AVEN: variants seen among roughly 807,000 people sequenced by gnomAD.
AVEN encodes apoptosis and caspase activation inhibitor.
A neutral mutation model predicts 38.1 loss-of-function variants in AVEN; 41 were observed. The observed-to-expected ratio is 1.08, with a 90% confidence interval of 0.84 to 1.40. The LOEUF is 1.40. Among genes scored for constraint, AVEN ranks in the 40% most tolerant of loss-of-function variants. AVEN has a pLI of 0.00. For synonymous variants in AVEN, 206 were observed against 171.8 expected (o/e 1.20, Z -1.56); for missense variants, 605 against 438.8 (o/e 1.38, Z -3.38).
intron 2 of AVEN, among the ~76,000 whole-genome samples, chr15:33,985,316 T>C (rs1338295496): frequency 3.3e-5 from 3 of 91,126 alleles, no homozygotes; most frequent in African/African-American, 1.4e-4. Flanking sequence ...AGAGTGGTAA[T>C]TCAAAGAGTC....
intron 5 of AVEN, among the ~76,000 whole-genome samples, chr15:34,057,142 G>GATT (rs1900186256): frequency 6.7e-6 from 1 of 148,772 alleles, no homozygotes; most frequent in Non-Finnish European, 1.5e-5. Context: ...GTTTTTTTTG[G>GATT]TTTTTTTTTT....
chr15:33,859,493 C>A, intron 11 of AVEN: 2 of 1,516,700 alleles, frequency 1.3e-6, no homozygotes, highest in South Asian at 1.2e-5. Flanking sequence ...ACAATCTGAC[C>A]GAATCATATG....
chr15:34,032,067 AT>A (rs1407246364), intron 1 of AVEN, among the ~76,000 whole-genome samples: 1 of 152,134 alleles, frequency 6.6e-6, no homozygotes, highest in Non-Finnish European at 1.5e-5. Context: ...GAAAAAAAAA[AT>A]CAAAGAGAAC....
chr15:33,854,701 A>G, downstream of AVEN: 1 of 1,534,460 alleles, frequency 6.5e-7, no homozygotes, highest in African/African-American at 1.4e-5. Context: ...AATAAGAAAA[A>G]ATGTTTTATA....
chr15:33,950,774 G>A (rs1411344774), intron 2 of AVEN, among the ~76,000 whole-genome samples: 1 of 152,214 alleles, frequency 6.6e-6, no homozygotes, highest in Non-Finnish European at 1.5e-5. Flanking sequence ...GGGAGGCCAA[G>A]GCAGGAGAAC....
At chr15:34,053,299 C>CAAAAAAA (rs71454513) in intron 5 of AVEN, among the ~76,000 whole-genome samples, 7 of 51,544 alleles carry the variant, frequency 1.4e-4, no homozygotes, top group African/African-American at 2.7e-4. Flanking sequence ...GACTCCATCT[C>CAAAAAAA]AAAAAAAAAA....
At chr15:33,877,620 G>C (rs1423658142) in intron 2 of AVEN, among the ~76,000 whole-genome samples, 1 of 152,212 alleles carries the variant, frequency 6.6e-6, no homozygotes, top group Non-Finnish European at 1.5e-5. Flanking sequence ...TTCAAGACCA[G>C]CCTGACCAAC....
intron 2 of AVEN, among the ~76,000 whole-genome samples, chr15:33,985,542 A>C (rs1896398805): frequency 6.6e-6 from 1 of 151,958 alleles, no homozygotes; most frequent in Admixed American, 6.5e-5. Context: ...AAATTCAGAC[A>C]AAGAGCAGTC....
chr15:33,903,729 A>T (rs191437780), intron 2 of AVEN, among the ~76,000 whole-genome samples: 109 of 151,188 alleles, frequency 7.2e-4, no homozygotes, highest in Non-Finnish European at 1.3e-3. Flanking sequence ...ATAAAAGAAC[A>T]TACTTGTTTA....
intron 2 of AVEN, among the ~76,000 whole-genome samples, chr15:33,973,236 G>A (rs1895716060): frequency 6.6e-6 from 1 of 152,106 alleles, no homozygotes; most frequent in Non-Finnish European, 1.5e-5. Context: ...TGAATAATGT[G>A]TTCTTTAAGA....
intron 11 of AVEN, chr15:33,861,177 T>A: frequency 1.3e-6 from 2 of 1,580,268 alleles, no homozygotes; most frequent in Non-Finnish European, 1.7e-6. Context: ...AGCCAACTAC[T>A]TGTGAGTATT....
chr15:34,061,009 C>A (rs1474454990), intron 5 of AVEN, among the ~76,000 whole-genome samples: 3 of 150,676 alleles, frequency 2.0e-5, no homozygotes, highest in Non-Finnish European at 4.4e-5. Flanking sequence ...GAGCGAGACT[C>A]CGTCTCAAAA....
chr15:33,938,520 A>G (rs1472918619), intron 2 of AVEN, among the ~76,000 whole-genome samples: 1 of 152,180 alleles, frequency 6.6e-6, no homozygotes, highest in Non-Finnish European at 1.5e-5. Context: ...GACACCACAG[A>G]CAAAGTAAAA....
chr15:34,048,476 C>T (rs1410723208), intron 5 of AVEN, among the ~76,000 whole-genome samples: 1 of 152,038 alleles, frequency 6.6e-6, no homozygotes, highest in African/African-American at 2.4e-5. Flanking sequence ...ATCCATTCCT[C>T]CTCACTGGGC....
At chr15:34,019,291 T>C (rs537389587) in intron 1 of AVEN, among the ~76,000 whole-genome samples, 12 of 152,210 alleles carry the variant, frequency 7.9e-5, no homozygotes, top group Non-Finnish European at 1.8e-4. Context: ...ATTTTTAAAA[T>C]AGAAAACAAA....
chr15:34,073,986 C>CTTTTTTTTTTTTTTTTT lies in AVEN; in HGVS notation n.720+449_720+450insAAAAAAAAAAAAAAAAA, dbSNP rs1381411256. On this transcript the variant is annotated intron_variant and non_coding_transcript_variant, in intron 1 of 11. Coordinates refer to the AVEN transcript ENST00000675287. ...TGGAGGAACTTTCTTTTTTCTTCTT[C>CTTTTTTTTTTTTTTTTT]TTCTTTTTTTTTTTTTTTTTTTTTT... Among the ~76,000 whole-genome samples the CTTTTTTTTTTTTTTTTT allele has an allele frequency of 1.9e-4, 21 of 112,190 alleles. 9 individuals are homozygous for CTTTTTTTTTTTTTTTTT. Among genetic ancestry groups the CTTTTTTTTTTTTTTTTT allele is most frequent in the African/African-American group, 7.8e-4 (19 of 24,272 alleles). The allele number at this position is 112,190 out of a possible 152,430, so 73.6% of individuals were successfully genotyped here.
intron 2 of AVEN, among the ~76,000 whole-genome samples, chr15:33,896,047 T>C (rs1361178092): frequency 2.0e-5 from 3 of 152,174 alleles, no homozygotes; most frequent in Admixed American, 2.0e-4. Flanking sequence ...AACATTGCTC[T>C]GGTCTCACCT....
At chr15:33,998,734 C>T (rs1425154188) in intron 2 of AVEN, among the ~76,000 whole-genome samples, 1 of 152,168 alleles carries the variant, frequency 6.6e-6, no homozygotes, top group African/African-American at 2.4e-5. Flanking sequence ...CAGATCTCTC[C>T]TCCTGCTTCA....
chr15:33,994,714 C>T (rs891541829), intron 2 of AVEN, among the ~76,000 whole-genome samples: 6 of 152,136 alleles, frequency 3.9e-5, no homozygotes, highest in Admixed American at 2.6e-4. Flanking sequence ...AATTACAAGT[C>T]TTCAAAAATT....
Sources: allele counts gnomAD v4.1 joint callset (sites outside exome capture counted in the v4.1 genomes callset), GRCh38; gene constraint gnomAD v4.1.1; transcripts MANE v1.5; gene names NCBI Gene and HGNC (gene_info 2026-07-23, HGNC 2026-07-21).